The following TTN variants were observed in gnomAD, a reference collection of about 807,000 sequenced individuals.
TTN encodes titin.
A neutral mutation model predicts 3,223.0 loss-of-function variants in TTN; 1,525 were observed. The ratio of observed to expected loss-of-function variants is 0.47; its 90% CI spans 0.45 to 0.49. The LOEUF is 0.49. Ranked by LOEUF, TTN falls within the 20% of genes least tolerant of loss-of-function variation. TTN has a pLI of 0.00. For missense variants in TTN, 40,786 were observed against 43,424.0 expected, an observed-to-expected ratio of 0.94 and a Z score of 5.40; for synonymous variants, 14,094 against 15,161.0, an observed-to-expected ratio of 0.93 and a Z score of 5.17.
Position 178,717,985 on chromosome 2 carries a change from T to G in TTN, c.25021A>C (p.Ser8341Arg). 3.1e-6 allele frequency: 5 copies of G among 1,613,674 alleles called. No homozygotes were observed. Among genetic ancestry groups the G allele is most frequent in the Non-Finnish European group, 4.2e-6 (5 of 1,179,598 alleles). ...VGEYSCKADNSVGAVASSAVL... is the reference protein window; with the variant it reads ...VGEYSCKADNRVGAVASSAVL... ...GCTGAAGAAGCGACTGCCCCCACAC[T>G]GTTGTCTGCCTTGCATGAATACTCT... Residue 8341 changes from serine to arginine, a missense_variant, in exon 86 of 363, where the codon AGT becomes CGT. Ser to Arg is a moderately radical substitution (Grantham distance 110, BLOSUM62 -1). Coordinates refer to ENST00000589042, the MANE Select transcript of TTN (RefSeq NM_001267550.2).
At chr2:178,646,963 A>G (rs2062094649) in intron 215 of TTN, 101 bp downstream of exon 215, 1 of 396,232 alleles carries the variant, frequency 2.5e-6, no homozygotes, top group Non-Finnish European at 4.3e-6. Context: ...CTGCTCTTGT[A>G]TATAATTTCA....
In TTN at chr2:178,558,522, A is replaced by G; in HGVS notation, c.86937T>C (p.Val28979=). 6.2e-7 allele frequency: 1 copy of G among 1,613,812 alleles called. No individual in the cohort carries two copies. Among genetic ancestry groups the G allele is most frequent in the Non-Finnish European group, 8.5e-7 (1 of 1,179,816 alleles). Residue 28979 remains valine, a synonymous_variant, in exon 327 of 363, where the codon GTT becomes GTC. Transcript: ENST00000589042. ...DGGSRIVHYV[V]EALEKGQKNW... ...TTTTCTGTCCTTTTTCTAGTGCTTC[A>G]ACGACATAGTGTACAATTCTGCTTC... is the stretch of plus-strand genomic sequence containing the variant.
intron 213 of TTN, among the ~76,000 whole-genome samples, chr2:178,649,043 A>G (rs2062478753): frequency 6.6e-6 from 1 of 152,146 alleles, no homozygotes; most frequent in Non-Finnish European, 1.5e-5. Context: ...AGTTGTAGCC[A>G]TGTGATATAT....
In TTN at chr2:178,649,631, T is replaced by C. The variant is rs2062598729; in HGVS notation, c.39896A>G (p.Glu13299Gly). 2 of 1,550,648 alleles carry C rather than the reference T, an allele frequency of 1.3e-6. No individual in the cohort carries two copies. Among genetic ancestry groups the C allele is most frequent in the East Asian group, 4.9e-5 (2 of 40,870 alleles). The change falls in exon 212 of 363, where the codon GAA (glutamate) becomes GGA (glycine). Residue 13299 changes from glutamate to glycine, a missense_variant and splice_region_variant. Physicochemically the swap from Glu to Gly is moderately conservative, Grantham distance 98 (BLOSUM62 -2). Transcript: ENST00000589042. Reference protein sequence around the residue: ...IKKPEAPPPKEPEMPKKVVPV... With the variant: ...IKKPEAPPPKGPEMPKKVVPV... ...AACAACTTTCTTTGGCATCTCAGGTTCTTTAAAGATATCAGTAGCATTTAA... is the reference window on the plus strand; with the variant it reads ...AACAACTTTCTTTGGCATCTCAGGTCCTTTAAAGATATCAGTAGCATTTAA...
In TTN at chr2:178,685,529, T is replaced by C; in HGVS notation, c.32381A>G (p.Glu10794Gly). 1 of 1,613,046 alleles carries C rather than the reference T, an allele frequency of 6.2e-7. No homozygotes were observed. ...LHIISKRVEA[E>G]PAEVTERQEK... ...AAGAGTCAGCATACCTTCAGCTGGC[T>C]CAGCTTCCACTCTCTTAGAAATAAT... Residue 10794 changes from glutamate to glycine, a missense_variant, in exon 128 of 363, where the codon GAG becomes GGG. Transcript: ENST00000589042.
At position 178,741,684 on chromosome 2, in the gene TTN, T is replaced by C. The variant is rs763263943; in HGVS notation, c.11549A>G (p.Lys3850Arg). 6.2e-7 allele frequency: 1 copy of C among 1,613,758 alleles called. No homozygotes were observed. Among genetic ancestry groups the C allele is most frequent in the South Asian group, 1.1e-5 (1 of 91,074 alleles). The stretch of plus-strand genomic sequence containing the variant: ...CACTCCATTAAAGAACCACTGAATT[T>C]TAGGTTTGGGGATGCCAATGACAGT... ...SVTVIGIPKP[K>R]IQWFFNGVLL... The change falls in exon 48 of 363, where the codon AAA becomes AGA. Residue 3850 changes from lysine to arginine, a missense_variant. By Grantham distance (26) the Lys-to-Arg change is conservative. Coordinates refer to ENST00000589042, the MANE Select transcript of TTN (RefSeq NM_001267550.2).
At position 178,566,139 on chromosome 2, in the gene TTN, A is replaced by G. The variant is rs751898291; in HGVS notation, c.79993T>C (p.Leu26665=). 1 of 1,613,660 alleles carries G rather than the reference A, an allele frequency of 6.2e-7. No homozygotes were observed. Among genetic ancestry groups the G allele is most frequent in the East Asian group, 2.2e-5 (1 of 44,850 alleles). ...GACTTTGATCCACTGCTGTTTTCCAACTTAAGAATGTATTTTCCAGCATCA... is the reference window on the plus strand; with the variant it reads ...GACTTTGATCCACTGCTGTTTTCCAGCTTAAGAATGTATTTTCCAGCATCA... ...RNDAGKYILK[L]ENSSGSKSAF... The change falls in exon 326 of 363, where the codon TTG becomes CTG. Residue 26665 remains leucine, a synonymous_variant. Transcript: ENST00000589042.
At position 178,608,754 on chromosome 2, in the gene TTN, A is replaced by G. The variant is rs2055539608; in HGVS notation, c.52257T>C (p.Ile17419=). 6.2e-7 allele frequency: 1 copy of G among 1,612,696 alleles called. No homozygotes were observed. The highest frequency in any genetic ancestry group is 8.5e-7 in the Non-Finnish European group (1 of 1,179,250). The part of the protein sequence containing the change: ...KDKTKPDSEW[I]VVTSTLRHCK... ...AATGTCTAAGTGTTGAAGTGACAAC[A>G]ATCCATTCTGAGTCGGGTTTTGTCT... is the stretch of plus-strand genomic sequence containing the variant. Residue 17419 remains isoleucine, a synonymous_variant, in exon 274 of 363, where the codon ATT becomes ATC. Transcript: ENST00000589042.
Position 178,609,480 on chromosome 2 carries a change from G to C in TTN, c.51830C>G (p.Pro17277Arg), listed in dbSNP as rs768086093. Residue 17277 changes from proline (P) to arginine (R), a missense_variant, in exon 273 of 363, where the codon CCA (proline) becomes CGA (arginine). Physicochemically the swap from Pro to Arg is moderately radical, Grantham distance 103. Coordinates refer to ENST00000589042, the MANE Select transcript of TTN (RefSeq NM_001267550.2). ...LDASISGSPY[P>R]TITWIKDENV... ...TTCATCCTTTATCCATGTAATAGTT[G>C]GGTAAGGTGATCCAGAAATACTTGC... is the stretch of plus-strand genomic sequence containing the variant. The C allele has an allele frequency of 1.9e-6, 3 of 1,612,430 alleles. No individual in the cohort carries two copies. The highest frequency in any genetic ancestry group is 2.5e-6 in the Non-Finnish European group (3 of 1,179,112).
Position 178,580,568 on chromosome 2 carries a change from G to C in TTN, c.66811C>G (p.Leu22271Val). Residue 22271 changes from leucine (L) to valine (V), a missense_variant, in exon 317 of 363, where the codon CTC (leucine) becomes GTC (valine). Transcript: ENST00000589042. ...GELDADLRKT[L>V]ILRAGVTMRL... is the part of the protein sequence containing the mutation. ...ATAGTAACTCCAGCACGTAATATGAGTGTCTTCCTTAAGTCCGCATCAAGT... is the reference window on the plus strand; with the variant it reads ...ATAGTAACTCCAGCACGTAATATGACTGTCTTCCTTAAGTCCGCATCAAGT... 1 of 1,612,256 alleles carries C rather than the reference G, an allele frequency of 6.2e-7. No individual in the cohort carries two copies. The highest frequency in any genetic ancestry group is 1.1e-5 in the South Asian group (1 of 90,792).
chr2:178,597,679 G>C lies in TTN; in HGVS notation c.57403C>G (p.Gln19135Glu). 6.2e-7 allele frequency: 1 copy of C among 1,613,380 alleles called. No homozygotes were observed. The highest frequency in any genetic ancestry group is 8.5e-7 in the Non-Finnish European group (1 of 1,179,558). Residue 19135 changes from glutamine (Q) to glutamate (E), a missense_variant, in exon 294 of 363, where the codon CAA (glutamine) becomes GAA (glutamate). Transcript: ENST00000589042. ...TWNMNERTLPQEATIETTAIS... is the reference protein window; with the variant it reads ...TWNMNERTLPEEATIETTAIS... ...GCTGTGGTCTCAATGGTGGCTTCTT[G>C]AGGTAAGGTTCTTTCATTCATGTTC...
chr2:178,594,808 A>G (rs1475549487), intron 295 of TTN, among the ~76,000 whole-genome samples, 162 bp from the exon 296 acceptor site: 2 of 152,144 alleles, frequency 1.3e-5, no homozygotes, highest in African/African-American at 2.4e-5. Context: ...TAGAGTTAAA[A>G]AGGACCCAAT....
In TTN at chr2:178,653,034, C is replaced by T. The variant is rs774546749; in HGVS notation, c.38875+7G>A. On this transcript the variant is annotated splice_region_variant and intron_variant, in intron 199 of 362. Transcript: ENST00000589042. ...GTCTTCTGAAGCCTAAAGCCAGTGACAAATACCTTTAACAGGTGGGACTTC... is the reference window on the plus strand; with the variant it reads ...GTCTTCTGAAGCCTAAAGCCAGTGATAAATACCTTTAACAGGTGGGACTTC... The T allele has an allele frequency of 6.2e-7, 1 of 1,612,904 alleles. No homozygotes were observed.
intron 13 of TTN, 40 bp downstream of exon 13, chr2:178,789,320 T>C: frequency 1.2e-6 from 2 of 1,611,204 alleles, no homozygotes; most frequent in Non-Finnish European, 8.5e-7. Flanking sequence ...TATTAATGTA[T>C]TATAATAGGG....
chr2:178,666,171 T>A (rs901602917), intron 163 of TTN, among the ~76,000 whole-genome samples: 6 of 152,150 alleles, frequency 3.9e-5, no homozygotes, highest in Admixed American at 1.3e-4. Context: ...AAGGTGAGTG[T>A]TTTTCAAGTT....
At chr2:178,774,826 G>T (rs1016084798) in intron 29 of TTN, 95 bp downstream of exon 29, 35 of 1,420,978 alleles carry the variant, frequency 2.5e-5, no homozygotes, top group African/African-American at 4.3e-5. Flanking sequence ...CCAAATAATT[G>T]TTTCATGAAA....
In TTN at chr2:178,739,216, C is replaced by G; in HGVS notation, c.14017G>C (p.Gly4673Arg). Reference protein sequence around the residue: ...IDKVNTEDHQGEYVCEALNDS... With the variant: ...IDKVNTEDHQREYVCEALNDS... ...TTCAAGGCCTCACAGACATACTCTCCTTGATGGTCTTCGGTATTTACTTTG... is the reference window on the plus strand; with the variant it reads ...TTCAAGGCCTCACAGACATACTCTCGTTGATGGTCTTCGGTATTTACTTTG... Residue 4673 changes from glycine to arginine, a missense_variant, in exon 48 of 363, where the codon GGA becomes CGA. Physicochemically the swap from Gly to Arg is moderately radical, Grantham distance 125 (BLOSUM62 -2). Transcript: ENST00000589042. The G allele has an allele frequency of 1.3e-6, 2 of 1,570,794 alleles. No homozygotes were observed. The highest frequency in any genetic ancestry group is 1.7e-6 in the Non-Finnish European group (2 of 1,155,468).
chr2:178,664,925 C>T lies in TTN; in HGVS notation c.36045G>A (p.Thr12015=), dbSNP rs1209026573. 5.6e-6 allele frequency: 9 copies of T among 1,605,276 alleles called. No homozygotes were observed. Among genetic ancestry groups the T allele is most frequent in the African/African-American group, 5.3e-5 (4 of 74,794 alleles). The change falls in exon 166 of 363, where the codon ACG becomes ACA. Residue 12015 remains threonine, a splice_region_variant and synonymous_variant. Transcript: ENST00000589042. ...GAATAATTTCTTGAGGAGCTTCGGG[C>T]GCTTGAAAGATATTAGCAATTCACA... ...PEEPETPRMK[T]PEAPQEIIPA...
rs749090360 is a variant in TTN at position 178,721,048 on chromosome 2, C to T, written c.22971G>A (p.Met7657Ile). ...SELHESWKYN[M>I]SFINSVALLT... Reference sequence around the variant, plus strand: ...GCAATGCCACAGAATTAATGAATGACATGTTGTATTTCCAACTTTCATGAA... The same window carrying T: ...GCAATGCCACAGAATTAATGAATGATATGTTGTATTTCCAACTTTCATGAA... Residue 7657 changes from methionine (M) to isoleucine (I), a missense_variant, in exon 79 of 363, where the codon ATG becomes ATA. By Grantham distance (10) the Met-to-Ile change is conservative. Coordinates refer to ENST00000589042, the MANE Select transcript of TTN (RefSeq NM_001267550.2). 5.0e-6 allele frequency: 8 copies of T among 1,613,240 alleles called. No homozygotes were observed. Among genetic ancestry groups the T allele is most frequent in the South Asian group, 4.4e-5 (4 of 91,052 alleles).
Sources: gnomAD v4.1 joint callset for allele counts (sites outside exome capture counted in the v4.1 genomes callset) on GRCh38, gnomAD v4.1.1 for gene constraint, MANE v1.5 for transcripts, NCBI Gene and HGNC (gene_info 2026-07-23, HGNC 2026-07-21) for gene names.